TMEM181: variants seen among roughly 807,000 people sequenced by gnomAD.
TMEM181 encodes transmembrane protein 181, also known as G protein-coupled receptor 178.
TMEM181 carries 39 observed loss-of-function variants against 71.9 expected under a neutral mutation model. That is an observed-to-expected ratio of 0.54 (90% CI 0.42 to 0.71). The LOEUF (loss-of-function observed/expected upper bound fraction) is 0.71, where lower values mean the gene tolerates loss of function less well. Ranked by LOEUF, TMEM181 falls within the 30% of genes least tolerant of loss-of-function variation. The pLI, the probability that TMEM181 is intolerant of heterozygous loss-of-function variation, is 0.00. For synonymous variants in TMEM181, 245 were observed against 228.8 expected, an observed-to-expected ratio of 1.07 and a Z score of -0.64; for missense variants, 595 against 583.0, an observed-to-expected ratio of 1.02 and a Z score of -0.21.
chr6:158,631,222 C>T, intron 15 of TMEM181, 101 bp from the exon 16 acceptor site: 1 of 1,204,996 alleles, frequency 8.3e-7, no homozygotes, highest in Non-Finnish European at 1.2e-6. Flanking sequence ...GATTTGAGTC[C>T]AGTTCTTTCC....
chr6:158,605,131 A>AGTGGGTGT, intron 6 of TMEM181, 136 bp from the exon 7 acceptor site: 1 of 159,680 alleles, frequency 6.3e-6, no homozygotes. Context: ...AAAAAAAAAA[A>AGTGGGTGT]GTGTGTGTGT....
intron 3 of TMEM181, 127 bp downstream of exon 3, chr6:158,581,122 TTTC>T: frequency 1.1e-6 from 1 of 871,700 alleles, no homozygotes; most frequent in Non-Finnish European, 1.8e-6. Flanking sequence ...AGGCAACACA[TTTC>T]TTCTTCCATT....
At chr6:158,580,262 G>A (rs1783398728) in intron 2 of TMEM181, among the ~76,000 whole-genome samples, 1 of 152,090 alleles carries the variant, frequency 6.6e-6, no homozygotes, top group African/African-American at 2.4e-5. Context: ...CCTGGGAGGT[G>A]GAGGTGGTGG....
At chr6:158,605,020 A>T (rs949564937) in intron 6 of TMEM181, among the ~76,000 whole-genome samples, 9 of 151,544 alleles carry the variant, frequency 5.9e-5, no homozygotes, top group African/African-American at 2.2e-4. Flanking sequence ...AGGCTGAGGT[A>T]GGAGAAGTGA....
At chr6:158,565,984 A>G (rs990107035) in intron 1 of TMEM181, among the ~76,000 whole-genome samples, 1 of 152,026 alleles carries the variant, frequency 6.6e-6, no homozygotes, top group Non-Finnish European at 1.5e-5. Context: ...TGCCTATGTG[A>G]CTTTGTATGT....
At chr6:158,591,691 A>G (rs141956670) in intron 6 of TMEM181, among the ~76,000 whole-genome samples, 134 of 152,186 alleles carry the variant, frequency 8.8e-4, no homozygotes, top group African/African-American at 2.8e-3. Context: ...AGTGCAGACA[A>G]ACAAGGGACC....
intron 10 of TMEM181, among the ~76,000 whole-genome samples, chr6:158,619,195 T>C (rs1785802947): frequency 6.6e-6 from 1 of 152,242 alleles, no homozygotes; most frequent in Admixed American, 6.5e-5. Flanking sequence ...TTCGTTTCTT[T>C]TTACTCTTTT....
chr6:158,540,777 T>C (rs1023085063), intron 1 of TMEM181, among the ~76,000 whole-genome samples: 7 of 152,094 alleles, frequency 4.6e-5, no homozygotes, highest in African/African-American at 1.7e-4. Flanking sequence ...GCTGTTTCTT[T>C]TTTTTGAGAG....
At chr6:158,603,053 C>T (rs1784756925) in intron 6 of TMEM181, among the ~76,000 whole-genome samples, 2 of 152,148 alleles carry the variant, frequency 1.3e-5, no homozygotes, top group Admixed American at 6.5e-5. Context: ...TGTACTTTTC[C>T]TCGTTTCTTG....
intron 1 of TMEM181, among the ~76,000 whole-genome samples, chr6:158,539,271 G>A (rs1781250243): frequency 6.6e-6 from 1 of 152,156 alleles, no homozygotes; most frequent in South Asian, 2.1e-4. Context: ...CACAAAGTCT[G>A]TTTTATAGTG....
chr6:158,563,178 C>T (rs1191543907), intron 1 of TMEM181, among the ~76,000 whole-genome samples: 1 of 152,234 alleles, frequency 6.6e-6, no homozygotes, highest in African/African-American at 2.4e-5. Flanking sequence ...GAGTCTCGCT[C>T]TGTCACCCAG....
At chr6:158,590,485 A>T (rs1385527944) in intron 6 of TMEM181, among the ~76,000 whole-genome samples, 3 of 151,576 alleles carry the variant, frequency 2.0e-5, no homozygotes, top group African/African-American at 4.9e-5. Context: ...TGAGACAGAG[A>T]CTCACTCTGT....
At chr6:158,538,308 G>A (rs1338582086) in intron 1 of TMEM181, among the ~76,000 whole-genome samples, 1 of 151,856 alleles carries the variant, frequency 6.6e-6, no homozygotes, top group Non-Finnish European at 1.5e-5. Flanking sequence ...ACAGGCCTGT[G>A]CCCCATCACC....
intron 6 of TMEM181, among the ~76,000 whole-genome samples, chr6:158,599,891 T>C (rs1198405134): frequency 6.6e-6 from 1 of 152,256 alleles, no homozygotes; most frequent in Non-Finnish European, 1.5e-5. Flanking sequence ...CAGGTGATTC[T>C]GCTTGGCTGC....
At chr6:158,611,837 A>T (rs1785335376) in intron 10 of TMEM181, 1 of 185,558 alleles carries the variant, frequency 5.4e-6, no homozygotes, top group African/African-American at 2.4e-5. Context: ...ACTCTCTCTT[A>T]CAGGCTAAGA....
At chr6:158,537,181 G>A (rs1277908454) in intron 1 of TMEM181, among the ~76,000 whole-genome samples, 1 of 152,024 alleles carries the variant, frequency 6.6e-6, no homozygotes. Context: ...GGAGCTGCGG[G>A]TTGTGGCTCC....
intron 10 of TMEM181, among the ~76,000 whole-genome samples, chr6:158,612,278 G>C (rs1387354180): frequency 6.6e-6 from 1 of 152,242 alleles, no homozygotes; most frequent in Non-Finnish European, 1.5e-5. Context: ...GTTTGTCCAA[G>C]ATGACGGTGC....
At chr6:158,559,459 T>A (rs1782028808), upstream of TMEM181, among the ~76,000 whole-genome samples, 1 of 152,132 alleles carries the variant, frequency 6.6e-6, no homozygotes, top group African/African-American at 2.4e-5. Context: ...ACATTTTGAG[T>A]AATGCTCCAA....
chr6:158,537,142 C>T (rs935484773), intron 1 of TMEM181, among the ~76,000 whole-genome samples: 25 of 151,960 alleles, frequency 1.6e-4, no homozygotes, highest in Non-Finnish European at 3.1e-4. Flanking sequence ...CAGCTGAAAC[C>T]CAAGCCGAGG....
Sources: gnomAD v4.1 joint callset for allele counts (sites outside exome capture counted in the v4.1 genomes callset) on GRCh38, gnomAD v4.1.1 for gene constraint, MANE v1.5 for transcripts, NCBI Gene and HGNC (gene_info 2026-07-23, HGNC 2026-07-21) for gene names.